Variants in KLF13 observed in about 807,000 individuals in gnomAD.
KLF13 encodes the protein KLF transcription factor 13.
A neutral mutation model predicts 16.7 loss-of-function variants in KLF13; 8 were observed. The ratio of observed to expected loss-of-function variants is 0.48; its 90% CI spans 0.28 to 0.87. KLF13 has a LOEUF of 0.87. Among genes scored for constraint, KLF13 ranks in the 40% least tolerant of loss-of-function variants. KLF13 has a pLI of 0.10. For synonymous variants in KLF13, 245 were observed against 208.4 expected (o/e 1.18, Z -1.51); for missense variants, 447 against 452.2 (o/e 0.99, Z 0.10).
intron 1 of KLF13, among the ~76,000 whole-genome samples, chr15:31,364,703 T>C (rs1038521816): frequency 2.6e-5 from 4 of 152,262 alleles, no homozygotes; most frequent in Non-Finnish European, 4.4e-5. Flanking sequence ...GCTGCGGCTC[T>C]AGCTCTGGCG....
Position 31,387,832 on chromosome 15 carries a change from C to T in KLF13, n.224-47538C>T, listed in dbSNP as rs962512008. 4.5e-4 allele frequency among the ~76,000 whole-genome samples: 68 copies of T among 152,304 alleles called. 1 individual carries two copies. Among genetic ancestry groups the T allele is most frequent in the Admixed American group, 3.9e-3 (60 of 15,306 alleles). On this transcript the variant is annotated intron_variant and non_coding_transcript_variant, in intron 1 of 1. Coordinates refer to the KLF13 transcript ENST00000558921. Reference sequence around the variant, plus strand: ...ATGTCCGTGACAGGGCTGTGACCAGCCTGTGATCAGGCTGTGACCAGGTTG... The same window carrying T: ...ATGTCCGTGACAGGGCTGTGACCAGTCTGTGATCAGGCTGTGACCAGGTTG...
chr15:31,423,162 T>TAC (rs1265495738), intron 1 of KLF13, among the ~76,000 whole-genome samples: 37 of 118,306 alleles, frequency 3.1e-4, no homozygotes, highest in Non-Finnish European at 3.6e-4. Flanking sequence ...TACGTATATA[T>TAC]ATGTATATAT....
chr15:31,422,428 G>A lies in KLF13; in HGVS notation n.118-12942G>A, dbSNP rs535140641. ...CAGAGTGAATGCAAGCAGGGGAAAC[G>A]GTAGATGCTTATAAAACCATCAGAT... On this transcript the variant is annotated intron_variant and non_coding_transcript_variant, in intron 1 of 1. Transcript: ENST00000558225. 3.3e-5 allele frequency among the ~76,000 whole-genome samples: 5 copies of A among 152,196 alleles called. No homozygotes were observed. In the South Asian group the frequency reaches 6.2e-4, roughly 19 times the overall value.
intron 1 of KLF13, among the ~76,000 whole-genome samples, chr15:31,335,467 GTGTGTGTGTA>G (rs1164664446): frequency 0.083 from 7,974 of 96,248 alleles, 570 homozygotes; most frequent in East Asian, 0.15. Flanking sequence ...GTGTGTGTGT[GTGTGTGTGTA>G]TGGTGGCGGG....
At chr15:31,409,516 G>C (rs2040166365), downstream of KLF13, among the ~76,000 whole-genome samples, 1 of 151,452 alleles carries the variant, frequency 6.6e-6, no homozygotes, top group Non-Finnish European at 1.5e-5. Context: ...AAGAAAGAGA[G>C]AGAAAGGAGG....
At chr15:31,364,698 G>T (rs866875311) in intron 1 of KLF13, among the ~76,000 whole-genome samples, 1 of 152,362 alleles carries the variant, frequency 6.6e-6, no homozygotes. Context: ...TTCCAGCTGC[G>T]GCTCTAGCTC....
rs186556954 is a variant in KLF13, at chr15:31,360,273, G to A, written c.578-11737G>A. 1.1e-3 allele frequency among the ~76,000 whole-genome samples: 167 copies of A among 152,322 alleles called. 1 individual carries two copies. The highest frequency in any genetic ancestry group is 3.6e-3 in the African/African-American group (151 of 41,564). ...GAAGGTGTGGGCACGGACATGCAGC[G>A]GGCAGGCCTGTGCCGGGAAGAGGGT... is the stretch of plus-strand genomic sequence containing the variant. On this transcript the variant is annotated intron_variant, in intron 1 of 1. Transcript: ENST00000307145.
chr15:31,396,291 G>C (rs1380515472), intron 2 of KLF13, among the ~76,000 whole-genome samples: 4 of 152,138 alleles, frequency 2.6e-5, no homozygotes, highest in Non-Finnish European at 4.4e-5. Flanking sequence ...CCAAAGTGCT[G>C]GGATTACAGG....
At position 31,327,667 on chromosome 15, in the gene KLF13, G is replaced by T; in HGVS notation, c.455G>T (p.Arg152Leu). Residue 152 changes from arginine (R) to leucine (L), a missense_variant, in exon 1 of 2, where the codon CGG becomes CTG. Around this residue, in one of 2 missense-constraint regions of KLF13, gnomAD observed 359 missense variants for 282.8 expected, o/e 1.27. Coordinates refer to ENST00000307145, the MANE Select transcript of KLF13 (RefSeq NM_015995.4). The part of the protein sequence containing the change: ...SGEPGLRQRV[R>L]RGRSRADLES... ...GAGCCCGGCCTCAGACAAAGGGTCC[G>T]GCGGGGCCGAAGTCGCGCCGACCTC... 1 of 1,505,304 alleles carries T rather than the reference G, an allele frequency of 6.6e-7. No individual in the cohort carries two copies. The highest frequency in any genetic ancestry group is 1.8e-4 in the Middle Eastern group (1 of 5,534). The allele number at this position is 1,505,304 out of a possible 1,614,324, so 93.2% of individuals were successfully genotyped here.
intron 1 of KLF13, among the ~76,000 whole-genome samples, chr15:31,423,339 CAG>C (rs1354762524): frequency 6.6e-6 from 1 of 150,834 alleles, no homozygotes; most frequent in Non-Finnish European, 1.5e-5. Context: ...AATAAAGAAA[CAG>C]ATAACTTGGG....
intron 1 of KLF13, among the ~76,000 whole-genome samples, chr15:31,356,725 G>A (rs1218174528): frequency 1.3e-5 from 2 of 152,200 alleles, no homozygotes; most frequent in South Asian, 2.1e-4. Context: ...TTACTCGTGC[G>A]GTTTGGAGCT....
At chr15:31,387,987 G>A (rs1333538627), upstream of KLF13, among the ~76,000 whole-genome samples, 3 of 152,208 alleles carry the variant, frequency 2.0e-5, no homozygotes, top group Admixed American at 6.5e-5. Context: ...TGCTTCAGCC[G>A]GAGAGGAGAC....
chr15:31,345,893 C>T (rs1283953011), intron 1 of KLF13, among the ~76,000 whole-genome samples: 1 of 152,164 alleles, frequency 6.6e-6, no homozygotes, highest in Non-Finnish European at 1.5e-5. Flanking sequence ...TGCTCCCCAC[C>T]TCTCACCCCT....
upstream of KLF13, among the ~76,000 whole-genome samples, chr15:31,391,364 T>C (rs1468641230): frequency 1.4e-5 from 1 of 72,316 alleles, no homozygotes; most frequent in East Asian, 4.7e-4. Flanking sequence ...TGCGGGGACC[T>C]GGGTGTGGGG....
In KLF13 at chr15:31,423,107, G is replaced by GTATA. The variant is rs1412478799; in HGVS notation, n.118-12262_118-12259dup. 2.3e-4 allele frequency among the ~76,000 whole-genome samples: 6 copies of GTATA among 26,410 alleles called. 1 individual carries two copies. Among genetic ancestry groups the GTATA allele is most frequent in the African/African-American group, 4.0e-4 (1 of 2,508 alleles). 17.3% of individuals were successfully genotyped at this position (26,410 alleles called of 152,430 possible). On this transcript the variant is annotated intron_variant and non_coding_transcript_variant, in intron 1 of 1. Transcript: ENST00000558225. ...TATATATACGTATATATACGTATAC[G>GTATA]TATACGTATATATACGTATATATAC... is the stretch of plus-strand genomic sequence containing the variant.
At chr15:31,351,498 C>T (rs928308976) in intron 1 of KLF13, among the ~76,000 whole-genome samples, 4 of 152,180 alleles carry the variant, frequency 2.6e-5, no homozygotes, top group South Asian at 2.1e-4. Flanking sequence ...GTGCGCTTGT[C>T]TTGCACTGAG....
intron 1 of KLF13, among the ~76,000 whole-genome samples, chr15:31,424,870 A>G (rs1417149106): frequency 2.4e-5 from 1 of 41,580 alleles, no homozygotes; most frequent in Non-Finnish European, 4.6e-5. Context: ...AAAATTCTAG[A>G]GATTTCACAC....
chr15:31,427,548 G>A (rs530156414), intron 1 of KLF13, among the ~76,000 whole-genome samples: 16 of 152,284 alleles, frequency 1.1e-4, no homozygotes, highest in South Asian at 6.2e-4. Flanking sequence ...CAATAGCCAA[G>A]ATGTGGAAAC....
At chr15:31,340,078 C>T (rs2140938033) in intron 1 of KLF13, 1 of 701,840 alleles carries the variant, frequency 1.4e-6, no homozygotes, top group Non-Finnish European at 2.6e-6. Context: ...GTGAGCCTCT[C>T]TGCCTCTAGG....
Sources: gnomAD v4.1 joint callset for allele counts (sites outside exome capture counted in the v4.1 genomes callset) on GRCh38, gnomAD v4.1.1 for gene constraint, gnomAD v4.1.1 regional missense constraint, MANE v1.5 for transcripts, NCBI Gene and HGNC (gene_info 2026-07-23, HGNC 2026-07-21) for gene names.